The following ZNF568 variants were observed in gnomAD, a reference collection of about 807,000 sequenced individuals.
The protein encoded by ZNF568 is p53 inhibitor of SCO2 activation.
ZNF568 carries 11 observed loss-of-function variants against 18.1 expected under a neutral mutation model. That is an observed-to-expected ratio of 0.61 (90% confidence interval 0.38 to 1.00). The LOEUF is 1.00. Among genes scored for constraint, ZNF568 ranks in the 50% least tolerant of loss-of-function variants. The probability of loss-of-function intolerance (pLI) is 0.01; values close to 1 mark genes in which losing one functional copy is unlikely to be tolerated. For missense variants in ZNF568, 639 were observed against 768.2 expected (o/e 0.83, Z 1.99); for synonymous variants, 213 against 246.6 (o/e 0.86, Z 1.28).
downstream of ZNF568, chr19:36,997,617 T>G: frequency 6.5e-7 from 1 of 1,529,422 alleles, no homozygotes; most frequent in Non-Finnish European, 8.8e-7. Context: ...AAATTCATAC[T>G]GGTGAGAAAC....
intron 6 of ZNF568, among the ~76,000 whole-genome samples, chr19:36,947,006 TTTTGTTTGTTTGTTTG>T (rs141590920): frequency 6.7e-5 from 10 of 149,376 alleles, no homozygotes; most frequent in Non-Finnish European, 1.5e-4. Context: ...CTAGAAGATT[TTTTGTTTGTTTGTTTG>T]TTTGTTTGTT....
At chr19:36,958,329 G>A (rs1293588059) in intron 6 of ZNF568, among the ~76,000 whole-genome samples, 1 of 152,050 alleles carries the variant, frequency 6.6e-6, no homozygotes, top group Non-Finnish European at 1.5e-5. Context: ...TAGAAGAGAG[G>A]GTAGAGAATT....
chr19:36,986,628 T>C (rs977725372), intron 2 of ZNF568, among the ~76,000 whole-genome samples: 7 of 152,034 alleles, frequency 4.6e-5, no homozygotes, highest in Admixed American at 1.3e-4. Flanking sequence ...TTTCTTTTTT[T>C]CCCCCCTCCG....
chr19:36,993,965 A>C (rs1013089675), intron 4 of ZNF568, among the ~76,000 whole-genome samples: 19 of 138,976 alleles, frequency 1.4e-4, no homozygotes, highest in Admixed American at 1.4e-3. Context: ...TTTATTCTTT[A>C]TTATCTGGTT....
chr19:36,932,183 C>T (rs2073697896), intron 4 of ZNF568, among the ~76,000 whole-genome samples: 1 of 152,128 alleles, frequency 6.6e-6, no homozygotes, highest in South Asian at 2.1e-4. Context: ...CTGATAAGAA[C>T]ATTGATGTAC....
intron 6 of ZNF568, among the ~76,000 whole-genome samples, chr19:36,969,650 C>A (rs942584487): frequency 3.3e-5 from 5 of 151,986 alleles, no homozygotes; most frequent in African/African-American, 1.2e-4. Flanking sequence ...ATGGCACTTT[C>A]CTCCGTCTTC....
intron 6 of ZNF568, among the ~76,000 whole-genome samples, chr19:36,974,234 C>G (rs1005926977): frequency 1.3e-5 from 2 of 152,086 alleles, no homozygotes; most frequent in Admixed American, 6.6e-5. Context: ...GGGGGCTCTC[C>G]CAGGACTTCT....
downstream of ZNF568, among the ~76,000 whole-genome samples, chr19:36,955,963 G>A (rs1600827677): frequency 1.3e-5 from 2 of 152,198 alleles, no homozygotes; most frequent in East Asian, 3.9e-4. Context: ...ATGTGTGATG[G>A]ACTTTCTTTT....
At chr19:36,971,606 G>GTT (rs113761187) in intron 6 of ZNF568, among the ~76,000 whole-genome samples, 3 of 151,742 alleles carry the variant, frequency 2.0e-5, no homozygotes, top group African/African-American at 4.8e-5. Flanking sequence ...TTATAACTTT[G>GTT]TTTTTTTTCT....
chr19:36,944,534 C>G (rs2073932123), intron 6 of ZNF568, among the ~76,000 whole-genome samples: 1 of 152,038 alleles, frequency 6.6e-6, no homozygotes, highest in Non-Finnish European at 1.5e-5. Context: ...TTCCTTAATT[C>G]ATATATATTT....
Position 36,970,384 on chromosome 19 carries a change from C to T in ZNF568, c.359-4036C>T, listed in dbSNP as rs1282995186. ...TCTTTTGGAGACAGTCTCGCTCTGT[C>T]GCCCAGGCTGGAGTGCAGTGCCCCA... On this transcript the variant is annotated intron_variant, in intron 6 of 7. Transcript: ENST00000427117. Among the ~76,000 whole-genome samples, 9 of 147,968 alleles carry T rather than the reference C, an allele frequency of 6.1e-5. 3 individuals are homozygous for T. The highest frequency in any genetic ancestry group is 1.8e-4 in the African/African-American group (7 of 39,748).
rs2074068822 is a variant in ZNF568, at chr19:36,952,067, G to A, written c.*979G>A. 2.2e-6 allele frequency: 2 copies of A among 913,226 alleles called. No homozygotes were observed. The highest frequency in any genetic ancestry group is 2.5e-6 in the Non-Finnish European group (2 of 792,486). 56.6% of individuals were successfully genotyped at this position (913,226 alleles called of 1,614,324 possible). A position where few individuals can be genotyped will look rare whatever the true frequency, so the allele number is the denominator to read the frequency against. The stretch of plus-strand genomic sequence containing the variant: ...TTTTTTTTTTTTTTCAAGACAAAAG[G>A]ACTCTGTAATTCCACTTCTAGGTAT... On this transcript the variant is annotated 3_prime_UTR_variant, in exon 7 of 7. Coordinates refer to ENST00000333987, the MANE Select transcript of ZNF568 (RefSeq NM_198539.4).
At position 36,933,906 on chromosome 19, in the gene ZNF568, T is replaced by G. The variant is rs1394225451; in HGVS notation, c.136-2840T>G. On this transcript the variant is annotated intron_variant, in intron 4 of 6. Coordinates refer to ENST00000333987, the MANE Select transcript of ZNF568 (RefSeq NM_198539.4). ...AGTTTTTCTTTTGGGTAGGTTTTTT[T>G]TTTTGTTTTGTTTTTTTGTTTTTTT... 2.5e-3 allele frequency among the ~76,000 whole-genome samples: 90 copies of G among 35,406 alleles called. 3 individuals are homozygous for G. Among genetic ancestry groups the G allele is most frequent in the Middle Eastern group, 0.012 (1 of 82 alleles). The allele number at this position is 35,406 out of a possible 152,430, so 23.2% of individuals were successfully genotyped here.
chr19:36,970,377 G>T (rs11668552), intron 6 of ZNF568, among the ~76,000 whole-genome samples: 2 of 63,186 alleles, frequency 3.2e-5, no homozygotes, highest in East Asian at 4.8e-4. Flanking sequence ...AGACAGTCTC[G>T]CTCTGTCGCC....
chr19:36,953,202 T>C (rs2074081797), downstream of ZNF568, among the ~76,000 whole-genome samples: 1 of 152,190 alleles, frequency 6.6e-6, no homozygotes, highest in Non-Finnish European at 1.5e-5. Context: ...ATTTAGAGTA[T>C]TGTGGAGAGA....
intron 6 of ZNF568, among the ~76,000 whole-genome samples, chr19:36,964,077 A>C (rs1228429408): frequency 6.6e-6 from 1 of 152,022 alleles, no homozygotes; most frequent in African/African-American, 2.4e-5. Context: ...TTTGCTTCTG[A>C]ACCTTTGTGA....
Position 36,919,339 on chromosome 19 carries a change from A to G in ZNF568, c.-186+1691A>G, listed in dbSNP as rs1450750231. Reference sequence around the variant, plus strand: ...AATTATAGTCATGTGCCATATATGTATGGACTATATACATACATGACAGTG... The same window carrying G: ...AATTATAGTCATGTGCCATATATGTGTGGACTATATACATACATGACAGTG... On this transcript the variant is annotated intron_variant, in intron 2 of 6. Coordinates refer to ENST00000333987, the MANE Select transcript of ZNF568 (RefSeq NM_198539.4). 2.0e-5 allele frequency among the ~76,000 whole-genome samples: 3 copies of G among 152,150 alleles called. 1 individual carries two copies. In the South Asian group the frequency reaches 6.2e-4, roughly 32 times the overall value.
chr19:36,933,732 C>T (rs1266978767), intron 4 of ZNF568, among the ~76,000 whole-genome samples: 1 of 151,290 alleles, frequency 6.6e-6, no homozygotes, highest in East Asian at 1.9e-4. Context: ...TGTTCTTTGT[C>T]AGGTTTTAGT....
chr19:36,960,726 C>T (rs2074142466), intron 6 of ZNF568, among the ~76,000 whole-genome samples: 1 of 140,348 alleles, frequency 7.1e-6, no homozygotes, highest in Non-Finnish European at 1.5e-5. Context: ...GAAACTCCAT[C>T]TCAAAAAAAA....
Sources: allele counts gnomAD v4.1 joint callset (sites outside exome capture counted in the v4.1 genomes callset), GRCh38; gene constraint gnomAD v4.1.1; transcripts MANE v1.5; gene names NCBI Gene and HGNC (gene_info 2026-07-23, HGNC 2026-07-21).